The following ZEB2 variants were observed in gnomAD, a reference collection of about 807,000 sequenced individuals.
ZEB2 encodes zinc finger E-box binding homeobox 2.
ZEB2 carries 6 observed loss-of-function variants against 99.9 expected under a neutral mutation model. The observed-to-expected ratio is 0.06, with a 90% CI of 0.03 to 0.12. The LOEUF is 0.12. ZEB2 is among the 10% of genes least tolerant of loss of function. The pLI is 1.00. For synonymous variants in ZEB2, 517 were observed against 542.5 expected, an observed-to-expected ratio of 0.95 and a Z score of 0.65; for missense variants, 969 against 1,502.8, an observed-to-expected ratio of 0.64 and a Z score of 5.87.
chr2:144,469,616 T>C (rs1409261789), intron 2 of ZEB2, among the ~76,000 whole-genome samples: 1 of 152,210 alleles, frequency 6.6e-6, no homozygotes, highest in Non-Finnish European at 1.5e-5. Context: ...ACCATCAGGC[T>C]GCTTTAGTCC....
chr2:144,498,859 G>A (rs1336587644), intron 2 of ZEB2, among the ~76,000 whole-genome samples: 1 of 152,102 alleles, frequency 6.6e-6, no homozygotes, highest in Non-Finnish European at 1.5e-5. Flanking sequence ...GAGCTAGGAT[G>A]GTGCCACTGC....
chr2:144,502,856 T>C (rs1189246836), intron 2 of ZEB2, among the ~76,000 whole-genome samples: 1 of 150,704 alleles, frequency 6.6e-6, no homozygotes, highest in East Asian at 1.9e-4. Context: ...CTCCCTTGAT[T>C]TTTTTTTTTC....
intron 2 of ZEB2, among the ~76,000 whole-genome samples, chr2:144,474,016 C>A (rs1403632636): frequency 2.0e-5 from 3 of 152,186 alleles, no homozygotes; most frequent in African/African-American, 7.2e-5. Context: ...AGAAAGTTTT[C>A]TCCAGTGTCT....
rs1043236589 is a variant in ZEB2 at position 144,512,465 on chromosome 2, C to T, written c.73+4813G>A. 3 of 1,287,082 alleles carry T rather than the reference C, an allele frequency of 2.3e-6. No homozygotes were observed. In the African/African-American group the frequency reaches 4.6e-5, roughly 20 times the overall value. The allele number at this position is 1,287,082 out of a possible 1,614,324, so 79.7% of individuals were successfully genotyped here. A position where few individuals can be genotyped will look rare whatever the true frequency, so the allele number is the denominator to read the frequency against. On this transcript the variant is annotated intron_variant, in intron 2 of 9. Coordinates refer to ENST00000627532, the MANE Select transcript of ZEB2 (RefSeq NM_014795.4). ...AATATGGCATCAAGGTCTTTAATAACCTCTTGGAATTTTCTTTAAGCAAAT... is the reference window on the plus strand; with the variant it reads ...AATATGGCATCAAGGTCTTTAATAATCTCTTGGAATTTTCTTTAAGCAAAT...
chr2:144,431,089 A>C (rs1703763709), intron 2 of ZEB2: 1 of 152,176 alleles, frequency 6.6e-6, no homozygotes, highest in South Asian at 2.1e-4. Flanking sequence ...AGAGGGAGAG[A>C]GAAAGGGGGA....
intron 2 of ZEB2, among the ~76,000 whole-genome samples, chr2:144,517,019 G>C (rs1463772023): frequency 6.7e-6 from 1 of 149,608 alleles, no homozygotes; most frequent in African/African-American, 2.4e-5. Context: ...GCGGGGCTGG[G>C]GGCGCGGGGC....
intron 2 of ZEB2, among the ~76,000 whole-genome samples, chr2:144,502,626 G>A (rs1265945954): frequency 1.3e-5 from 2 of 152,190 alleles, no homozygotes; most frequent in African/African-American, 2.4e-5. Flanking sequence ...AACCTGAAGA[G>A]TGGAAAGAGA....
chr2:144,446,117 T>A (rs538200266), intron 2 of ZEB2, among the ~76,000 whole-genome samples: 79 of 152,108 alleles, frequency 5.2e-4, no homozygotes, highest in Non-Finnish European at 8.4e-4. Flanking sequence ...GCAGTTAAAC[T>A]TGGGAATCCC....
At chr2:144,407,297 G>A (rs753263834) in intron 4 of ZEB2, among the ~76,000 whole-genome samples, 11 of 152,220 alleles carry the variant, frequency 7.2e-5, no homozygotes, top group African/African-American at 1.2e-4. Flanking sequence ...ATGTACAGTA[G>A]TGGATTAAGA....
chr2:144,422,891 T>G (rs942952210), intron 4 of ZEB2, among the ~76,000 whole-genome samples: 1 of 152,200 alleles, frequency 6.6e-6, no homozygotes, highest in African/African-American at 2.4e-5. Flanking sequence ...ATATTTTCAC[T>G]TATTCTTCAT....
intron 4 of ZEB2, among the ~76,000 whole-genome samples, chr2:144,409,902 A>C (rs1703435586): frequency 6.6e-6 from 1 of 151,722 alleles, no homozygotes; most frequent in Non-Finnish European, 1.5e-5. Flanking sequence ...AAAAACCAAA[A>C]AAAAGTTGTT....
chr2:144,473,825 A>T (rs1048219306), intron 2 of ZEB2, among the ~76,000 whole-genome samples: 8 of 152,184 alleles, frequency 5.3e-5, no homozygotes, highest in African/African-American at 1.9e-4. Context: ...TTTGGGTATA[A>T]CAGCAGACCA....
chr2:144,396,713 C>A, intron 8 of ZEB2, 121 bp from the exon 9 acceptor site: 6 of 1,051,862 alleles, frequency 5.7e-6, no homozygotes, highest in East Asian at 2.8e-5. Context: ...TTGAGTTAAA[C>A]ATTTTTTTTT....
chr2:144,480,733 A>AT (rs1704498856), intron 2 of ZEB2, among the ~76,000 whole-genome samples: 1 of 140,974 alleles, frequency 7.1e-6, no homozygotes. Flanking sequence ...AGTTAAAAAA[A>AT]AAAAAAAGAA....
At chr2:144,504,302 G>A (rs1464270086) in intron 2 of ZEB2, 1 of 152,286 alleles carries the variant, frequency 6.6e-6, no homozygotes, top group Non-Finnish European at 1.5e-5. Context: ...AGAATTAGCT[G>A]AAGGTGTTCT....
intron 2 of ZEB2, among the ~76,000 whole-genome samples, chr2:144,472,413 A>C (rs972635679): frequency 1.3e-5 from 2 of 152,158 alleles, no homozygotes; most frequent in African/African-American, 4.8e-5. Context: ...ATGCAAGGAT[A>C]ATATGGCATA....
At chr2:144,427,956 T>C (rs971281536) in intron 3 of ZEB2, 2 of 152,220 alleles carry the variant, frequency 1.3e-5, no homozygotes, top group African/African-American at 4.8e-5. Context: ...TTATGATCCA[T>C]GACCAACACA....
At chr2:144,505,487 A>T (rs563627490) in intron 2 of ZEB2, among the ~76,000 whole-genome samples, 3 of 152,304 alleles carry the variant, frequency 2.0e-5, no homozygotes, top group African/African-American at 7.2e-5. Context: ...AGATTTGGGG[A>T]GTATCAACAA....
chr2:144,396,031 T>C (rs1421360754), intron 9 of ZEB2, among the ~76,000 whole-genome samples: 2 of 152,190 alleles, frequency 1.3e-5, no homozygotes, highest in Non-Finnish European at 2.9e-5. Context: ...AATGTATTAC[T>C]GTCTGAATTT....
Sources: allele counts gnomAD v4.1 joint callset (sites outside exome capture counted in the v4.1 genomes callset), GRCh38; gene constraint gnomAD v4.1.1; transcripts MANE v1.5; gene names NCBI Gene and HGNC (gene_info 2026-07-23, HGNC 2026-07-21).